ADNP: variants seen among roughly 807,000 people sequenced by gnomAD.
ADNP encodes the protein activity dependent neuroprotector homeobox.
Under a neutral mutation model 84.9 loss-of-function variants are expected in ADNP, and 4 were observed. The observed-to-expected ratio is 0.05, with a 90% CI of 0.02 to 0.11. The LOEUF (loss-of-function observed/expected upper bound fraction) is 0.11. ADNP is among the 10% of genes least tolerant of loss of function. The probability of loss-of-function intolerance (pLI) is 1.00; values close to 1 mark genes in which losing one functional copy is unlikely to be tolerated. For missense variants in ADNP, 1,132 were observed against 1,326.0 expected (o/e 0.85, Z 2.27); for synonymous variants, 554 against 468.1 (o/e 1.18, Z -2.37).
Position 50,893,163 on chromosome 20 carries a change from G to A in ADNP, c.1551C>T (p.Cys517=). The A allele has an allele frequency of 1.9e-6, 3 of 1,614,228 alleles. No homozygotes were observed. The highest frequency in any genetic ancestry group is 2.7e-5 in the African/African-American group (2 of 75,052). The change falls in exon 6 of 6, where the codon TGC becomes TGT. Residue 517 remains cysteine, a synonymous_variant. Coordinates refer to ENST00000621696, the MANE Select transcript of ADNP (RefSeq NM_001282531.3). This position sits in a 1 kb window ranked among gnomAD's most constrained non-coding sequence, Gnocchi z 4.4. ...MLIHGLSCPY[C]RSTFNDVEKM... is the part of the protein sequence containing the mutation. ...TTTCCACATCATTGAAAGTTGAACG[G>A]CAATATGGACAAGACAGACCATGAA...
intron 2 of ADNP, among the ~76,000 whole-genome samples, chr20:50,928,361 G>A (rs533760271): frequency 1.3e-5 from 2 of 152,250 alleles, no homozygotes; most frequent in East Asian, 3.9e-4. Context: ...TCTAGAGATT[G>A]GGTTATCAAA....
intron 2 of ADNP, among the ~76,000 whole-genome samples, chr20:50,926,467 A>C (rs1276630348): frequency 6.6e-6 from 1 of 152,224 alleles, no homozygotes; most frequent in East Asian, 1.9e-4. Context: ...TTACTTTAAA[A>C]ATCTTTATTT....
intron 2 of ADNP, among the ~76,000 whole-genome samples, chr20:50,924,155 A>G (rs986441140): frequency 1.3e-5 from 2 of 152,204 alleles, no homozygotes; most frequent in African/African-American, 4.8e-5. Flanking sequence ...ATTATCTAAG[A>G]AAAAAGTAAC....
At chr20:50,915,727 T>TA (rs1477430972) in intron 2 of ADNP, among the ~76,000 whole-genome samples, 2 of 152,120 alleles carry the variant, frequency 1.3e-5, no homozygotes, top group Non-Finnish European at 2.9e-5. Flanking sequence ...GGTAAGAAAA[T>TA]AAAGTTTAGT....
Position 50,925,216 on chromosome 20 carries a change from A to C in ADNP, c.-90+3435T>G, listed in dbSNP as rs1984205576. Among the ~76,000 whole-genome samples the C allele has an allele frequency of 2.0e-5, 3 of 152,036 alleles. No homozygotes were observed. The East Asian group carries it at 5.8e-4, about 29-fold the overall frequency. Reference sequence around the variant, plus strand: ...AAAAAAACGTGTGCCCTGCAATCAAAACTGTCACTTTCCACAGTTGGCTCA... The same window carrying C: ...AAAAAAACGTGTGCCCTGCAATCAACACTGTCACTTTCCACAGTTGGCTCA... On this transcript the variant is annotated intron_variant, in intron 2 of 5. Coordinates refer to ENST00000621696, the MANE Select transcript of ADNP (RefSeq NM_001282531.3).
At chr20:50,930,312 G>A (rs1038890225) in intron 1 of ADNP, among the ~76,000 whole-genome samples, 1 of 152,102 alleles carries the variant, frequency 6.6e-6, no homozygotes, top group Non-Finnish European at 1.5e-5. Context: ...ATTGCACAGG[G>A]GAGGCAAAGA....
intron 4 of ADNP, among the ~76,000 whole-genome samples, chr20:50,902,414 C>T (rs1982075494): frequency 6.6e-6 from 1 of 152,112 alleles, no homozygotes; most frequent in Non-Finnish European, 1.5e-5. Context: ...CATTAGAGTA[C>T]TGTACTCTAA....
At chr20:50,928,474 A>T (rs1473488486) in intron 2 of ADNP, among the ~76,000 whole-genome samples, 177 bp downstream of exon 2, 1 of 152,230 alleles carries the variant, frequency 6.6e-6, no homozygotes, top group Non-Finnish European at 1.5e-5. Flanking sequence ...GCTGTAAGTA[A>T]TTTCTTATGT....
At position 50,931,257 on chromosome 20, in the gene ADNP, G is replaced by GGC. The variant is rs1555818594; in HGVS notation, c.-697_-696insGC. ...GCACAAGATGGCGGCGGCCGGGGGG[G>GGC]GGGGGGCGGGAGTTCAGCTCATGGA... On this transcript the variant is annotated 5_prime_UTR_variant, in exon 1 of 6. Transcript: ENST00000621696. 9.4e-6 allele frequency: 1 copy of GGC among 106,252 alleles called. No homozygotes were observed. The highest frequency in any genetic ancestry group is 4.4e-4 in the South Asian group (1 of 2,296). The allele number at this position is 106,252 out of a possible 1,614,324, so 6.6% of individuals were successfully genotyped here.
At chr20:50,911,501 T>A (rs958051002) in intron 2 of ADNP, among the ~76,000 whole-genome samples, 4 of 150,056 alleles carry the variant, frequency 2.7e-5, no homozygotes, top group African/African-American at 4.9e-5. Flanking sequence ...CCCAGATTTC[T>A]TTTCTTTTCT....
chr20:50,909,776 A>C (rs1982865480), intron 2 of ADNP: 1 of 152,228 alleles, frequency 6.6e-6, no homozygotes. Flanking sequence ...ACTCAGTTTG[A>C]CTAGTTAAGA....
chr20:50,892,962 T>TTGGGCA lies in ADNP; in HGVS notation c.1746_1751dup (p.His582_Ala583dup). ...GCTTTGGAGGAACTGGAGGATTATT[T>TTGGGCA]TGGGCATGGTAAGCAACAGATTCAG... On this transcript the variant is annotated inframe_insertion, in exon 6 of 6. Transcript: ENST00000621696. The TTGGGCA allele has an allele frequency of 6.2e-7, 1 of 1,614,190 alleles. No individual in the cohort carries two copies. The highest frequency in any genetic ancestry group is 8.5e-7 in the Non-Finnish European group (1 of 1,180,034).
Position 50,922,391 on chromosome 20 carries a change from C to T in ADNP, c.-90+6260G>A, listed in dbSNP as rs1161102385. Among the ~76,000 whole-genome samples the T allele has an allele frequency of 2.6e-5, 4 of 152,124 alleles. 1 individual carries two copies. Among genetic ancestry groups the T allele is most frequent in the Middle Eastern group, 6.3e-3 (2 of 316 alleles). ...CAAGCTGGGGTTCCCAAGACCCCCT[C>T]CTTGAGTTCTATTAATTTGCTGGAG... On this transcript the variant is annotated intron_variant, in intron 2 of 5. Coordinates refer to ENST00000621696, the MANE Select transcript of ADNP (RefSeq NM_001282531.3).
intron 2 of ADNP, chr20:50,905,239 A>G (rs1156565404): frequency 2.6e-5 from 4 of 152,234 alleles, no homozygotes; most frequent in Admixed American, 1.3e-4. Flanking sequence ...GCTTCCCATA[A>G]TATGGTAAAA....
Position 50,893,085 on chromosome 20 carries a change from T to A in ADNP, c.1629A>T (p.Lys543Asn), listed in dbSNP as rs369276137. 1.4e-5 allele frequency: 22 copies of A among 1,614,110 alleles called. No individual in the cohort carries two copies. Among genetic ancestry groups the A allele is most frequent in the Non-Finnish European group, 1.9e-5 (22 of 1,180,050 alleles). Residue 543 changes from lysine (K) to asparagine (N), a missense_variant, in exon 6 of 6, where the codon AAA (lysine) becomes AAT (asparagine). By Grantham distance (94) the Lys-to-Asn change is moderately conservative (BLOSUM62 0). Transcript: ENST00000621696. The surrounding 1 kb of genome is among the most constrained non-coding windows in gnomAD (Gnocchi z 4.4). ...AATCAAAACTCAAAGTAGAATCTGT[T>A]TTAGGTCCCATCTCTTCATCAATGT... ...MVHIDEEMGP[K>N]TDSTLSFDLT... is the part of the protein sequence containing the mutation.
intron 5 of ADNP, among the ~76,000 whole-genome samples, chr20:50,894,884 C>A (rs1032547319): frequency 6.6e-6 from 1 of 151,812 alleles, no homozygotes; most frequent in Admixed American, 6.6e-5. Context: ...GCGACAAGAG[C>A]GAAACTGTCT....
At position 50,891,565 on chromosome 20, in the gene ADNP, G is replaced by C; in HGVS notation, c.3149C>G (p.Ala1050Gly). The C allele has an allele frequency of 6.2e-7, 1 of 1,612,454 alleles. No individual in the cohort carries two copies. Residue 1050 changes from alanine (A) to glycine (G), a missense_variant, in exon 6 of 6, where the codon GCA (alanine) becomes GGA (glycine). Physicochemically the swap from Ala to Gly is moderately conservative, Grantham distance 60. Coordinates refer to ENST00000621696, the MANE Select transcript of ADNP (RefSeq NM_001282531.3). The part of the protein sequence containing the change: ...WSKDQSQWKN[A>G]SENDERLSNP... Reference sequence around the variant, plus strand: ...AGATAAGCGCTCATCATTCTCAGATGCATTCTTCCACTGTGACTGGTCCTT... The same window carrying C: ...AGATAAGCGCTCATCATTCTCAGATCCATTCTTCCACTGTGACTGGTCCTT...
Position 50,891,695 on chromosome 20 carries a change from T to C in ADNP, c.3019A>G (p.Arg1007Gly), listed in dbSNP as rs776999443. The C allele has an allele frequency of 3.7e-5, 59 of 1,614,106 alleles. No individual in the cohort carries two copies. Among genetic ancestry groups the C allele is most frequent in the Non-Finnish European group, 4.5e-5 (53 of 1,180,044 alleles). ...SDESSQSEDA[R>G]SSKPAAKKKA... ...TTTTTGGCAGCTGGCTTACTGCTCC[T>C]TGCATCTTCGCTTTGGGAAGACTCG... Residue 1007 changes from arginine (R) to glycine (G), a missense_variant, in exon 6 of 6, where the codon AGG becomes GGG. This residue lies in a region of ADNP where 381 missense variants were observed against 319.9 expected (regional missense o/e 1.19). Coordinates refer to ENST00000621696, the MANE Select transcript of ADNP (RefSeq NM_001282531.3).
At chr20:50,896,964 G>GT (rs746282590) in intron 5 of ADNP, among the ~76,000 whole-genome samples, 2 of 152,158 alleles carry the variant, frequency 1.3e-5, no homozygotes, top group African/African-American at 2.4e-5. Context: ...TTGAGATGCA[G>GT]TTTTTTTGCT....
Sources: allele counts gnomAD v4.1 joint callset (sites outside exome capture counted in the v4.1 genomes callset), GRCh38; gene constraint gnomAD v4.1.1; regional missense constraint gnomAD v4.1.1; non-coding constraint Gnocchi (gnomAD v3.1); transcripts MANE v1.5; gene names NCBI Gene and HGNC (gene_info 2026-07-23, HGNC 2026-07-21).